The following LIMCH1 variants were observed in gnomAD, a reference collection of about 807,000 sequenced individuals.
LIMCH1 encodes LIM and calponin homology domains-containing protein 1.
Under a neutral mutation model 176.5 loss-of-function variants are expected in LIMCH1, and 113 were observed. The ratio of observed to expected loss-of-function variants is 0.64; its 90% CI spans 0.55 to 0.75. LIMCH1 has a LOEUF of 0.75. LIMCH1 is among the 30% of genes least tolerant of loss of function. The pLI is 0.00. For missense variants in LIMCH1, 1,674 were observed against 1,814.9 expected, an observed-to-expected ratio of 0.92 and a Z score of 1.41; for synonymous variants, 619 against 645.9, an observed-to-expected ratio of 0.96 and a Z score of 0.63.
At chr4:41,436,382 C>T (rs1484026014) in intron 1 of LIMCH1, among the ~76,000 whole-genome samples, 3 of 152,144 alleles carry the variant, frequency 2.0e-5, no homozygotes, top group African/African-American at 7.2e-5. Context: ...ACCGAAGGGT[C>T]TGGGGTTGCA....
chr4:41,412,751 A>C (rs2059603144), intron 1 of LIMCH1, among the ~76,000 whole-genome samples: 2 of 152,198 alleles, frequency 1.3e-5, no homozygotes, highest in African/African-American at 2.4e-5. Flanking sequence ...ATTGAAACAC[A>C]TCCTTCTGGA....
rs113135957 is a variant in LIMCH1, at chr4:41,403,946, G to A, written c.96+43010G>A. Among the ~76,000 whole-genome samples, 341 of 152,280 alleles carry A rather than the reference G, an allele frequency of 2.2e-3. 1 individual carries two copies. The highest frequency in any genetic ancestry group is 7.3e-3 in the African/African-American group (305 of 41,562). On this transcript the variant is annotated intron_variant, in intron 1 of 26. Transcript: ENST00000313860. ...AACAAATTGATTTCAGACATTTGAG[G>A]GATAACATATTTGAGATTTAATGTA...
At chr4:41,654,851 A>C (rs1038548596) in intron 18 of LIMCH1, among the ~76,000 whole-genome samples, 6 of 152,056 alleles carry the variant, frequency 3.9e-5, no homozygotes, top group African/African-American at 1.2e-4. Flanking sequence ...CTTTGCCCCC[A>C]ATTATCCCTG....
chr4:41,425,135 T>C (rs1402032559), intron 1 of LIMCH1, among the ~76,000 whole-genome samples: 1 of 152,222 alleles, frequency 6.6e-6, no homozygotes, highest in East Asian at 1.9e-4. Flanking sequence ...AAGAAGGGCA[T>C]ATCTGTTTTC....
At chr4:41,360,090 G>T (rs1203871938), upstream of LIMCH1, among the ~76,000 whole-genome samples, 2 of 151,824 alleles carry the variant, frequency 1.3e-5, no homozygotes, top group African/African-American at 4.8e-5. This position sits in a 1 kb window ranked among gnomAD's most constrained non-coding sequence, Gnocchi z 4.5. Flanking sequence ...GCCTGGCCCA[G>T]TGCCTGACGC....
chr4:41,536,976 A>G (rs970724467), upstream of LIMCH1, among the ~76,000 whole-genome samples: 2 of 152,232 alleles, frequency 1.3e-5, no homozygotes, highest in Non-Finnish European at 2.9e-5. Context: ...CATGAGTTAT[A>G]CTGAAACTCT....
At chr4:41,548,222 C>T (rs1004019368) in intron 1 of LIMCH1, among the ~76,000 whole-genome samples, 1 of 151,912 alleles carries the variant, frequency 6.6e-6, no homozygotes, top group African/African-American at 2.4e-5. Context: ...ACCATGAGGC[C>T]CTGAAATTAC....
chr4:41,618,933 C>T (rs1005786286), intron 5 of LIMCH1, among the ~76,000 whole-genome samples: 28 of 152,236 alleles, frequency 1.8e-4, no homozygotes, highest in Middle Eastern at 3.4e-3. Context: ...TTGTAATTCT[C>T]GGATACAGTT....
At chr4:41,381,352 G>A (rs570938212) in intron 1 of LIMCH1, among the ~76,000 whole-genome samples, 6 of 152,272 alleles carry the variant, frequency 3.9e-5, no homozygotes, top group South Asian at 2.1e-4. Flanking sequence ...TCCAAGTATC[G>A]GTAATACGAA....
intron 1 of LIMCH1, among the ~76,000 whole-genome samples, chr4:41,413,218 G>GTTTTTT (rs59105322): frequency 7.1e-6 from 1 of 139,862 alleles, no homozygotes; most frequent in African/African-American, 2.7e-5. Context: ...GACATAATAA[G>GTTTTTT]TTTTTTTTTT....
At chr4:41,441,274 T>C (rs6842255) in intron 1 of LIMCH1, among the ~76,000 whole-genome samples, 30,295 of 152,192 alleles carry the variant, frequency 0.2, 3,316 homozygotes, top group South Asian at 0.33. Flanking sequence ...ACAGCTTCTT[T>C]ATAATTTAAA....
intron 1 of LIMCH1, among the ~76,000 whole-genome samples, chr4:41,597,056 A>G (rs2088988065): frequency 6.6e-6 from 1 of 151,534 alleles, no homozygotes; most frequent in Non-Finnish European, 1.5e-5. Flanking sequence ...CTTCCACCAT[A>G]GATCTGGGTT....
intron 1 of LIMCH1, among the ~76,000 whole-genome samples, chr4:41,409,193 C>A (rs2059255636): frequency 6.6e-6 from 1 of 151,966 alleles, no homozygotes; most frequent in Non-Finnish European, 1.5e-5. Flanking sequence ...ATATTTCATG[C>A]CAAATTTAAA....
At chr4:41,361,361 C>A (rs2052014280) in intron 1 of LIMCH1, among the ~76,000 whole-genome samples, 1 of 152,366 alleles carries the variant, frequency 6.6e-6, no homozygotes, top group East Asian at 1.9e-4. Flanking sequence ...TCTGGTCCCA[C>A]ATTTCGCCCC....
intron 26 of LIMCH1, among the ~76,000 whole-genome samples, chr4:41,682,807 G>C (rs1346807365): frequency 6.6e-6 from 1 of 151,664 alleles, no homozygotes; most frequent in South Asian, 2.1e-4. Flanking sequence ...CTCCCAAGTA[G>C]CTGGGACTAC....
At chr4:41,461,192 G>A (rs996574889) in intron 1 of LIMCH1, among the ~76,000 whole-genome samples, 3 of 152,140 alleles carry the variant, frequency 2.0e-5, no homozygotes, top group Admixed American at 2.0e-4. Context: ...TTTCAAATGA[G>A]CAAACGGAGG....
upstream of LIMCH1, among the ~76,000 whole-genome samples, chr4:41,535,687 G>A (rs928816828): frequency 7.2e-5 from 11 of 152,114 alleles, no homozygotes; most frequent in Admixed American, 5.2e-4. Context: ...TCGTAACAGT[G>A]GGTTAGCCAG....
intron 1 of LIMCH1, among the ~76,000 whole-genome samples, chr4:41,538,839 A>G (rs1467579451): frequency 1.3e-5 from 2 of 152,082 alleles, no homozygotes; most frequent in African/African-American, 4.8e-5. Flanking sequence ...CATTTCTTAA[A>G]ATGAGGAGGA....
intron 14 of LIMCH1, among the ~76,000 whole-genome samples, chr4:41,639,754 G>A (rs1358871504): frequency 6.6e-6 from 1 of 152,084 alleles, no homozygotes; most frequent in Non-Finnish European, 1.5e-5. Context: ...TCAGATTCAA[G>A]TAATTTGTAT....
Sources: allele counts gnomAD v4.1 joint callset (sites outside exome capture counted in the v4.1 genomes callset), GRCh38; gene constraint gnomAD v4.1.1; non-coding constraint Gnocchi (gnomAD v3.1); transcripts MANE v1.5; gene names NCBI Gene and HGNC (gene_info 2026-07-23, HGNC 2026-07-21).